Variants in FBXW7 observed in about 807,000 individuals in gnomAD.
FBXW7 encodes F-box and WD repeat domain containing 7.
A neutral mutation model predicts 86.3 loss-of-function variants in FBXW7; 11 were observed. That is an observed-to-expected ratio of 0.13 (90% CI 0.08 to 0.21). The LOEUF (loss-of-function observed/expected upper bound fraction) is 0.21, where lower values mean the gene tolerates loss of function less well. FBXW7 is among the 10% of genes least tolerant of loss of function. The pLI is 1.00. For missense variants in FBXW7, 488 were observed against 847.4 expected (o/e 0.58, Z 5.27); for synonymous variants, 313 against 297.9 (o/e 1.05, Z -0.52).
intron 2 of FBXW7, among the ~76,000 whole-genome samples, chr4:152,512,642 G>A (rs577296228): frequency 1.3e-5 from 2 of 152,096 alleles, no homozygotes; most frequent in South Asian, 2.1e-4. Flanking sequence ...AACACAAAAG[G>A]CCATGTACTG....
intron 4 of FBXW7, among the ~76,000 whole-genome samples, chr4:152,398,667 T>G (rs1736638918): frequency 6.6e-6 from 1 of 152,074 alleles, no homozygotes. Context: ...TCCCTAACCA[T>G]ATTTTCTTTT....
chr4:152,372,042 A>T (rs1052868073), intron 4 of FBXW7, among the ~76,000 whole-genome samples: 5 of 151,768 alleles, frequency 3.3e-5, no homozygotes, highest in African/African-American at 9.7e-5. Context: ...TGGGACAATT[A>T]AAAAAAATGT....
At chr4:152,370,913 G>C (rs1053254390) in intron 4 of FBXW7, among the ~76,000 whole-genome samples, 1 of 150,950 alleles carries the variant, frequency 6.6e-6, no homozygotes, top group Admixed American at 6.6e-5. Flanking sequence ...AGTCACAAAA[G>C]AAAACTTTAT....
At chr4:152,520,426 C>A (rs1748907819) in intron 2 of FBXW7, among the ~76,000 whole-genome samples, 1 of 137,588 alleles carries the variant, frequency 7.3e-6, no homozygotes, top group Admixed American at 8.1e-5. Flanking sequence ...GGCGACAGAG[C>A]GAGACTCCGT....
chr4:152,459,901 G>A (rs1742784544), intron 2 of FBXW7, among the ~76,000 whole-genome samples: 1 of 152,164 alleles, frequency 6.6e-6, no homozygotes, highest in Non-Finnish European at 1.5e-5. Flanking sequence ...CAAAACTGTG[G>A]ATAAGGGGGA....
intron 2 of FBXW7, among the ~76,000 whole-genome samples, chr4:152,502,272 A>C (rs1747028194): frequency 6.6e-6 from 1 of 152,174 alleles, no homozygotes; most frequent in African/African-American, 2.4e-5. Flanking sequence ...CCTTCTACTA[A>C]AGAAAGTTTT....
chr4:152,460,738 T>C (rs1045413194), intron 2 of FBXW7, among the ~76,000 whole-genome samples: 7 of 152,150 alleles, frequency 4.6e-5, no homozygotes, highest in African/African-American at 1.7e-4. Context: ...ATCTGTTTTT[T>C]TGTGTGTGTT....
chr4:152,388,725 A>T (rs190226621), intron 4 of FBXW7, among the ~76,000 whole-genome samples: 12 of 152,290 alleles, frequency 7.9e-5, no homozygotes, highest in Non-Finnish European at 4.4e-5. Context: ...TATACTTCAG[A>T]TTTCTACAAA....
intron 2 of FBXW7, among the ~76,000 whole-genome samples, chr4:152,524,678 C>A (rs1450963308): frequency 6.6e-6 from 1 of 152,166 alleles, no homozygotes; most frequent in East Asian, 1.9e-4. Flanking sequence ...TCTGCCTCTT[C>A]TTTCCTCCCT....
At chr4:152,368,957 CAA>C (rs1169180814) in intron 4 of FBXW7, among the ~76,000 whole-genome samples, 4 of 151,898 alleles carry the variant, frequency 2.6e-5, no homozygotes, top group African/African-American at 4.8e-5. Flanking sequence ...TAAGTAGAAC[CAA>C]ATCACATTAA....
At chr4:152,385,389 A>G (rs529338800) in intron 4 of FBXW7, among the ~76,000 whole-genome samples, 26 of 152,108 alleles carry the variant, frequency 1.7e-4, no homozygotes, top group Admixed American at 1.6e-3. Context: ...TTTCACTTTT[A>G]CATTTAAAAG....
At chr4:152,341,146 G>A (rs1420588293) in intron 6 of FBXW7, among the ~76,000 whole-genome samples, 1 of 152,130 alleles carries the variant, frequency 6.6e-6, no homozygotes, top group African/African-American at 2.4e-5. Flanking sequence ...TGTACTCAGT[G>A]CTACTGTCAG....
Position 152,535,658 on chromosome 4 carries a change from TG to T in FBXW7, c.-745del, listed in dbSNP as rs1750479488. On this transcript the variant is annotated 5_prime_UTR_variant, in exon 1 of 14. Coordinates refer to ENST00000281708, the MANE Select transcript of FBXW7 (RefSeq NM_001349798.2). ...CGGCTCCCGCATGTGTCGCTGCGGC[TG>T]GGACCCCCCTCCCTACACCTTGGGG... is the stretch of plus-strand genomic sequence containing the variant. 2.5e-6 allele frequency: 1 copy of T among 396,212 alleles called. No homozygotes were observed. Among genetic ancestry groups the T allele is most frequent in the Non-Finnish European group, 4.5e-6 (1 of 224,540 alleles). The allele number at this position is 396,212 out of a possible 1,614,324, so 24.5% of individuals were successfully genotyped here. A position where few individuals can be genotyped will look rare whatever the true frequency, so the allele number is the denominator to read the frequency against.
At chr4:152,338,455 T>C (rs949272877) in intron 6 of FBXW7, among the ~76,000 whole-genome samples, 1 of 152,072 alleles carries the variant, frequency 6.6e-6, no homozygotes, top group African/African-American at 2.4e-5. Flanking sequence ...CAGGCTTTGA[T>C]TTGTTATGTG....
intron 4 of FBXW7, among the ~76,000 whole-genome samples, chr4:152,388,338 T>C (rs906423624): frequency 6.6e-6 from 1 of 152,026 alleles, no homozygotes; most frequent in African/African-American, 2.4e-5. Context: ...CATACACAAG[T>C]GTTATAAAAA....
intron 4 of FBXW7, among the ~76,000 whole-genome samples, chr4:152,388,456 ATAAGG>A (rs1735733194): frequency 1.3e-5 from 2 of 152,244 alleles, no homozygotes; most frequent in Admixed American, 1.3e-4. Context: ...ACTAGATTAT[ATAAGG>A]TATTGTAACT....
intron 4 of FBXW7, among the ~76,000 whole-genome samples, chr4:152,353,407 A>C (rs1732051205): frequency 6.6e-6 from 1 of 152,192 alleles, no homozygotes; most frequent in South Asian, 2.1e-4. Flanking sequence ...TAATAAAAAC[A>C]TTGCCTATGC....
intron 2 of FBXW7, among the ~76,000 whole-genome samples, chr4:152,528,240 A>G (rs568502866): frequency 6.6e-6 from 1 of 152,350 alleles, no homozygotes; most frequent in East Asian, 1.9e-4. Flanking sequence ...TCCAGTAGCT[A>G]TCTTCCAGAT....
At chr4:152,440,059 A>C (rs1740748975) in intron 2 of FBXW7, among the ~76,000 whole-genome samples, 1 of 152,162 alleles carries the variant, frequency 6.6e-6, no homozygotes, top group African/African-American at 2.4e-5. Flanking sequence ...AATACTAATA[A>C]AAAGGACTGG....
Sources: gnomAD v4.1 joint callset for allele counts (sites outside exome capture counted in the v4.1 genomes callset) on GRCh38, gnomAD v4.1.1 for gene constraint, MANE v1.5 for transcripts, NCBI Gene and HGNC (gene_info 2026-07-23, HGNC 2026-07-21) for gene names.